Variants in MTBP observed in about 807,000 individuals in gnomAD.
MTBP encodes the protein mdm2-binding protein.
A neutral mutation model predicts 117.0 loss-of-function variants in MTBP; 101 were observed. The observed-to-expected ratio is 0.86, with a 90% confidence interval of 0.73 to 1.02. The LOEUF (loss-of-function observed/expected upper bound fraction) is 1.02. MTBP is among the 50% of genes least tolerant of loss of function. The pLI is 0.00. For missense variants in MTBP, 970 were observed against 1,030.9 expected (o/e 0.94, Z 0.81); for synonymous variants, 350 against 351.5 (o/e 1.00, Z 0.05).
chr8:120,487,121 T>C (rs1343310335), intron 11 of MTBP, among the ~76,000 whole-genome samples: 1 of 152,200 alleles, frequency 6.6e-6, no homozygotes, highest in Admixed American at 6.5e-5. Context: ...AAAGACACTT[T>C]GTTTTACCCT....
chr8:120,512,175 T>C (rs1814825514), intron 17 of MTBP, among the ~76,000 whole-genome samples: 1 of 152,162 alleles, frequency 6.6e-6, no homozygotes, highest in Non-Finnish European at 1.5e-5. Flanking sequence ...GTTTATATTA[T>C]TATTATGAAA....
At position 120,457,878 on chromosome 8, in the gene MTBP, G is replaced by A. The variant is rs549201093; in HGVS notation, c.747+1208G>A. ...GGAGAATGGTGTGAACCCGGGAGGC[G>A]GAGGTTTCAGTGAGCTGAGATCGCG... is the stretch of plus-strand genomic sequence containing the variant. On this transcript the variant is annotated intron_variant, in intron 7 of 21. Transcript: ENST00000305949. Among the ~76,000 whole-genome samples, 34 of 151,454 alleles carry A rather than the reference G, an allele frequency of 2.2e-4. No homozygotes were observed. In the South Asian group the frequency reaches 3.3e-3, roughly 15 times the overall value.
At chr8:120,448,079 G>T (rs529987264) in intron 2 of MTBP, among the ~76,000 whole-genome samples, 5 of 152,088 alleles carry the variant, frequency 3.3e-5, no homozygotes, top group African/African-American at 1.2e-4. Context: ...CTATAGGCAT[G>T]AGCCACCACA....
At chr8:120,506,564 T>C (rs1814689357) in intron 15 of MTBP, 142 bp from the exon 16 acceptor site, 1 of 536,910 alleles carries the variant, frequency 1.9e-6, no homozygotes, top group East Asian at 3.1e-5. Flanking sequence ...CCTAAATGTT[T>C]AATTCTCCCA....
In MTBP at chr8:120,455,533, G is replaced by A; in HGVS notation, c.583G>A (p.Glu195Lys). The A allele has an allele frequency of 6.2e-7, 1 of 1,609,744 alleles. No homozygotes were observed. The highest frequency in any genetic ancestry group is 8.5e-7 in the Non-Finnish European group (1 of 1,178,036). ...PTVGALKHLR[E>K]WYSAKITIAG... is the part of the protein sequence containing the mutation. Reference sequence around the variant, plus strand: ...TGTAGGAGCATTAAAACATTTGAGAGAATGGTATTCAGCAAAGATCACTAT... The same window carrying A: ...TGTAGGAGCATTAAAACATTTGAGAAAATGGTATTCAGCAAAGATCACTAT... The change falls in exon 6 of 22, where the codon GAA becomes AAA. Residue 195 changes from glutamate (E) to lysine (K), a missense_variant. Physicochemically the swap from Glu to Lys is moderately conservative, Grantham distance 56. Transcript: ENST00000305949.
chr8:120,455,620 C>G, intron 6 of MTBP, 41 bp downstream of exon 6: 1 of 1,572,468 alleles, frequency 6.4e-7, no homozygotes, highest in Non-Finnish European at 8.7e-7. Context: ...TCTGCCTTGT[C>G]TGTTTTCACA....
intron 14 of MTBP, among the ~76,000 whole-genome samples, chr8:120,498,826 CTG>C (rs1814523706): frequency 1.3e-5 from 2 of 152,046 alleles, no homozygotes; most frequent in South Asian, 4.1e-4. Flanking sequence ...AAAAGGCAAA[CTG>C]AGATCAAGAG....
chr8:120,494,521 C>G (rs1335725685), intron 13 of MTBP, among the ~76,000 whole-genome samples: 1 of 152,132 alleles, frequency 6.6e-6, no homozygotes, highest in Non-Finnish European at 1.5e-5. Context: ...TCAGCTCTTC[C>G]AGGTGGACCC....
Position 120,455,591 on chromosome 8 carries a change from T to A in MTBP, c.629+12T>A. 1 of 1,603,156 alleles carries A rather than the reference T, an allele frequency of 6.2e-7. No individual in the cohort carries two copies. Among genetic ancestry groups the A allele is most frequent in the Non-Finnish European group, 8.5e-7 (1 of 1,176,598 alleles). ...AATCATTGTGAAATGTAAGCTTCTT[T>A]GTTCATATTTGATTATTGTCTGCCT... On this transcript the variant is annotated intron_variant, in intron 6 of 21. Coordinates refer to ENST00000305949, the MANE Select transcript of MTBP (RefSeq NM_022045.5).
intron 10 of MTBP, among the ~76,000 whole-genome samples, chr8:120,467,097 G>C (rs1813713081): frequency 6.6e-6 from 1 of 152,092 alleles, no homozygotes; most frequent in African/African-American, 2.4e-5. Context: ...ATGTAACTAT[G>C]ATTAGCCCCA....
At position 120,506,932 on chromosome 8, in the gene MTBP, C is replaced by A. The variant is rs1351128364; in HGVS notation, c.1883+71C>A. The A allele has an allele frequency of 4.5e-6, 6 of 1,329,718 alleles. No individual in the cohort carries two copies. The African/African-American group carries it at 9.0e-5, about 20-fold the overall frequency. 82.4% of individuals were successfully genotyped at this position (1,329,718 alleles called of 1,614,324 possible). A position where few individuals can be genotyped will look rare whatever the true frequency, so the allele number is the denominator to read the frequency against. ...TTTTAAATAAAATTGTGTCTCATTT[C>A]CTTATTAATTGATGTCCTATGCTAC... is the stretch of plus-strand genomic sequence containing the variant. On this transcript the variant is annotated intron_variant, in intron 16 of 21. Transcript: ENST00000305949.
chr8:120,462,736 T>A (rs1813606254), intron 9 of MTBP, among the ~76,000 whole-genome samples: 1 of 152,184 alleles, frequency 6.6e-6, no homozygotes, highest in Non-Finnish European at 1.5e-5. Context: ...TTTCAAACTA[T>A]CTTCCAAGGA....
chr8:120,490,903 A>G (rs569849341), intron 13 of MTBP, among the ~76,000 whole-genome samples: 17 of 152,230 alleles, frequency 1.1e-4, no homozygotes, highest in African/African-American at 4.1e-4. Flanking sequence ...ATCTTTTTAT[A>G]TATTTTTGTA....
intron 11 of MTBP, among the ~76,000 whole-genome samples, chr8:120,482,059 T>C (rs966233974): frequency 2.6e-5 from 4 of 152,228 alleles, no homozygotes. Flanking sequence ...TTGACAGTTA[T>C]TTAAAAATGT....
intron 4 of MTBP, chr8:120,452,934 T>C (rs1167809730): frequency 6.6e-6 from 1 of 152,010 alleles, no homozygotes; most frequent in African/African-American, 2.4e-5. Flanking sequence ...TTACATAAGA[T>C]GCCTTAAGTT....
chr8:120,456,225 T>C (rs1056920684), intron 6 of MTBP, among the ~76,000 whole-genome samples: 3 of 152,130 alleles, frequency 2.0e-5, no homozygotes, highest in African/African-American at 7.2e-5. Context: ...AGGAGAGCAG[T>C]TCTCTTTTTG....
In MTBP at chr8:120,456,362, G is replaced by A. The variant is rs79605523; in HGVS notation, c.630-191G>A. Among the ~76,000 whole-genome samples the A allele has an allele frequency of 2.3e-3, 355 of 152,238 alleles. 12 individuals carry two copies. In the East Asian group the frequency reaches 0.06, roughly 26 times the overall value. ...AAGATAATTACTCTAAATTTGTGAG[G>A]ATGTTGGGACTAAATGAACATGTGT... On this transcript the variant is annotated intron_variant, in intron 6 of 21. Transcript: ENST00000305949.
Position 120,518,786 on chromosome 8 carries a change from G to A in MTBP, c.2579G>A (p.Arg860His), listed in dbSNP as rs142443977. Residue 860 changes from arginine (R) to histidine (H), a missense_variant, in exon 20 of 22, where the codon CGT becomes CAT. By Grantham distance (29) the Arg-to-His change is conservative. Coordinates refer to ENST00000305949, the MANE Select transcript of MTBP (RefSeq NM_022045.5). ...GAATGTTTCACTGCATGCAGCCAGC[G>A]TCTCTTTGAAATCTCTAAGTTCTAT... is the stretch of plus-strand genomic sequence containing the variant. ...THECFTACSQ[R>H]LFEISKFYLK... 12 of 1,611,218 alleles carry A rather than the reference G, an allele frequency of 7.4e-6. No homozygotes were observed. The highest frequency in any genetic ancestry group is 1.7e-5 in the Admixed American group (1 of 59,732).
In MTBP at chr8:120,455,588, C is replaced by T; in HGVS notation, c.629+9C>T. 1 of 1,604,492 alleles carries T rather than the reference C, an allele frequency of 6.2e-7. No homozygotes were observed. Among genetic ancestry groups the T allele is most frequent in the Non-Finnish European group, 8.5e-7 (1 of 1,176,964 alleles). Reference sequence around the variant, plus strand: ...GGAAATCATTGTGAAATGTAAGCTTCTTTGTTCATATTTGATTATTGTCTG... The same window carrying T: ...GGAAATCATTGTGAAATGTAAGCTTTTTTGTTCATATTTGATTATTGTCTG... On this transcript the variant is annotated intron_variant, in intron 6 of 21. Coordinates refer to ENST00000305949, the MANE Select transcript of MTBP (RefSeq NM_022045.5).
Sources: allele counts gnomAD v4.1 joint callset (sites outside exome capture counted in the v4.1 genomes callset), GRCh38; gene constraint gnomAD v4.1.1; transcripts MANE v1.5; gene names NCBI Gene and HGNC (gene_info 2026-07-23, HGNC 2026-07-21).